Variants in C10orf90 observed in about 807,000 individuals in gnomAD.
C10orf90 encodes the protein chromosome 10 open reading frame 90.
C10orf90 carries 56 observed loss-of-function variants against 62.5 expected under a neutral mutation model. The ratio of observed to expected loss-of-function variants is 0.90; its 90% confidence interval spans 0.72 to 1.12. C10orf90 has a LOEUF of 1.12. Among genes scored for constraint, C10orf90 ranks in the 50% most tolerant of loss-of-function variants. The pLI, the probability that C10orf90 is intolerant of heterozygous loss-of-function variation, is 0.00. For missense variants in C10orf90, 970 were observed against 880.4 expected, an observed-to-expected ratio of 1.10 and a Z score of -1.29; for synonymous variants, 386 against 340.4, an observed-to-expected ratio of 1.13 and a Z score of -1.47.
At chr10:126,536,621 G>T (rs1360580236) in intron 2 of C10orf90, among the ~76,000 whole-genome samples, 1 of 152,146 alleles carries the variant, frequency 6.6e-6, no homozygotes, top group Admixed American at 6.5e-5. Context: ...GGAAAGGAAA[G>T]GTTTTAGCTT....
At chr10:126,645,625 T>C (rs1343489617) in intron 2 of C10orf90, among the ~76,000 whole-genome samples, 2 of 150,840 alleles carry the variant, frequency 1.3e-5, no homozygotes, top group African/African-American at 4.9e-5. Context: ...CTGTAAACCA[T>C]GCTTCGGGAC....
intron 2 of C10orf90, among the ~76,000 whole-genome samples, chr10:126,536,014 C>A (rs1173211737): frequency 6.6e-6 from 1 of 152,150 alleles, no homozygotes; most frequent in Non-Finnish European, 1.5e-5. Context: ...AAAGGCTCAG[C>A]CCTTATAAAG....
intron 2 of C10orf90, among the ~76,000 whole-genome samples, chr10:126,628,131 T>A (rs1326299076): frequency 1.3e-5 from 2 of 152,210 alleles, no homozygotes; most frequent in Non-Finnish European, 1.5e-5. Context: ...GGAAGAGGCC[T>A]GGATTCCAGC....
At chr10:126,578,290 T>C (rs1214261584) in intron 2 of C10orf90, among the ~76,000 whole-genome samples, 1 of 151,090 alleles carries the variant, frequency 6.6e-6, no homozygotes, top group African/African-American at 2.5e-5. Flanking sequence ...GAATTAGTAA[T>C]AAAAAGACAA....
At chr10:126,663,017 G>T (rs1591183926) in intron 1 of C10orf90, among the ~76,000 whole-genome samples, 1 of 152,318 alleles carries the variant, frequency 6.6e-6, no homozygotes, top group South Asian at 2.1e-4. Context: ...GCACACAGTA[G>T]GTCCTTAATA....
intron 5 of C10orf90, among the ~76,000 whole-genome samples, chr10:126,463,937 G>GTGTTCCAAGTGAAA (rs55732808): frequency 0.61 from 93,205 of 151,996 alleles, 29,316 homozygotes; most frequent in African/African-American, 0.77. Flanking sequence ...GGATTAACTT[G>GTGTTCCAAGTGAAA]TTACTTTTAT....
intron 7 of C10orf90, among the ~76,000 whole-genome samples, chr10:126,430,336 C>T (rs185859529): frequency 6.6e-6 from 1 of 152,284 alleles, no homozygotes; most frequent in East Asian, 1.9e-4. Flanking sequence ...CCACCTTGCC[C>T]CCTTCCTAAT....
intron 2 of C10orf90, among the ~76,000 whole-genome samples, chr10:126,603,802 A>T (rs1845249755): frequency 6.6e-6 from 1 of 152,144 alleles, no homozygotes; most frequent in African/African-American, 2.4e-5. Flanking sequence ...AAGGCCTCAC[A>T]GTGGTGTGGT....
chr10:126,613,082 A>C (rs2133805093), intron 2 of C10orf90, among the ~76,000 whole-genome samples: 1 of 152,284 alleles, frequency 6.6e-6, no homozygotes, highest in East Asian at 1.9e-4. Context: ...TTATACCTTG[A>C]AAGGGAGGCA....
At chr10:126,587,575 A>G (rs1050716933) in intron 2 of C10orf90, among the ~76,000 whole-genome samples, 5 of 152,166 alleles carry the variant, frequency 3.3e-5, no homozygotes, top group African/African-American at 4.8e-5. Flanking sequence ...TACCTCCCAA[A>G]GACCCCATCT....
At chr10:126,595,354 T>C (rs1334889943) in intron 2 of C10orf90, among the ~76,000 whole-genome samples, 1 of 152,226 alleles carries the variant, frequency 6.6e-6, no homozygotes, top group Admixed American at 6.5e-5. Flanking sequence ...CAGAATGTGC[T>C]TGCAGAGCCT....
intron 4 of C10orf90, among the ~76,000 whole-genome samples, chr10:126,478,501 CTTTATT>C (rs1212290226): frequency 6.6e-6 from 1 of 152,200 alleles, no homozygotes; most frequent in Non-Finnish European, 1.5e-5. Context: ...AGACTTTGTT[CTTTATT>C]TTAAGTCTAA....
chr10:126,576,733 T>A (rs1844630098), intron 2 of C10orf90, among the ~76,000 whole-genome samples: 10 of 44,122 alleles, frequency 2.3e-4, no homozygotes, highest in African/African-American at 3.3e-4. Context: ...TACATATATA[T>A]GTATATGTAT....
chr10:126,529,572 AG>A (rs1864039596), intron 2 of C10orf90, among the ~76,000 whole-genome samples: 1 of 152,258 alleles, frequency 6.6e-6, no homozygotes, highest in African/African-American at 2.4e-5. Context: ...AAGACAAAAT[AG>A]GCATTTCTCA....
chr10:126,634,424 C>T (rs1845909603), intron 2 of C10orf90, among the ~76,000 whole-genome samples: 1 of 152,088 alleles, frequency 6.6e-6, no homozygotes, highest in Non-Finnish European at 1.5e-5. Flanking sequence ...TAGCAGAATT[C>T]ATAGAGTCAA....
At chr10:126,455,978 C>T (rs185838537) in intron 7 of C10orf90, among the ~76,000 whole-genome samples, 3 of 152,298 alleles carry the variant, frequency 2.0e-5, no homozygotes, top group Non-Finnish European at 2.9e-5. Context: ...AGGTTCTGCT[C>T]CTGAGCCAAG....
In C10orf90 at chr10:126,565,377, TA is replaced by T. The variant is rs1237360016; in HGVS notation, c.314-51439del. Reference sequence around the variant, plus strand: ...ATATAATATATATTATTTTATATAATAATATATATTATATATATTATATTAT... The same window carrying T: ...ATATAATATATATTATTTTATATAATATATATATTATATATATTATATTAT... On this transcript the variant is annotated intron_variant, in intron 2 of 9. Coordinates refer to ENST00000488181, the MANE Select transcript of C10orf90 (RefSeq NM_001350921.2). 1.1e-4 allele frequency among the ~76,000 whole-genome samples: 9 copies of T among 79,676 alleles called. No individual in the cohort carries two copies. The East Asian group carries it at 2.0e-3, about 18-fold the overall frequency. 52.3% of individuals were successfully genotyped at this position (79,676 alleles called of 152,430 possible). A position where few individuals can be genotyped will look rare whatever the true frequency, so the allele number is the denominator to read the frequency against.
At chr10:126,482,348 C>T (rs944231022) in intron 4 of C10orf90, among the ~76,000 whole-genome samples, 4 of 152,144 alleles carry the variant, frequency 2.6e-5, no homozygotes, top group Non-Finnish European at 4.4e-5. Context: ...GCAGCATAGC[C>T]TAGTGAGCAA....
intron 2 of C10orf90, among the ~76,000 whole-genome samples, chr10:126,575,736 T>C (rs1386075321): frequency 6.6e-6 from 1 of 151,924 alleles, no homozygotes; most frequent in Non-Finnish European, 1.5e-5. Flanking sequence ...AACAGATACA[T>C]AGACCCATGA....
Sources: gnomAD v4.1 joint callset for allele counts (sites outside exome capture counted in the v4.1 genomes callset) on GRCh38, gnomAD v4.1.1 for gene constraint, MANE v1.5 for transcripts, NCBI Gene and HGNC (gene_info 2026-07-23, HGNC 2026-07-21) for gene names.